The following GDAP1 variants were observed in gnomAD, a reference collection of about 807,000 sequenced individuals.
GDAP1 encodes ganglioside induced differentiation associated protein 1, also known as ganglioside-induced differentiation-associated protein 1.
Under a neutral mutation model 40.1 loss-of-function variants are expected in GDAP1, and 34 were observed. That is an observed-to-expected ratio of 0.85 (90% CI 0.64 to 1.13). GDAP1 has a LOEUF of 1.13. GDAP1 is among the 50% of genes most tolerant of loss of function. The pLI is 0.00. For synonymous variants in GDAP1, 170 were observed against 157.4 expected (o/e 1.08, Z -0.60); for missense variants, 374 against 433.7 (o/e 0.86, Z 1.22).
intron 2 of GDAP1, among the ~76,000 whole-genome samples, chr8:74,399,931 C>T (rs1213466236): frequency 3.5e-5 from 5 of 144,062 alleles, no homozygotes; most frequent in Non-Finnish European, 7.4e-5. Context: ...GTTATAATTT[C>T]TGTTCTTTTA....
intron 2 of GDAP1, among the ~76,000 whole-genome samples, chr8:74,418,698 G>T (rs1356233428): frequency 6.6e-6 from 1 of 152,062 alleles, no homozygotes; most frequent in East Asian, 1.9e-4. Flanking sequence ...TAAAACTTTT[G>T]CTCTCTGTTA....
rs536696675 is a variant in GDAP1, at chr8:74,442,472, A to G, written c.166-46206A>G. The stretch of plus-strand genomic sequence containing the variant: ...GTTGCCACTCCATTCCTGAGGCCAC[A>G]ATTTTATTAAGGTCCCAAATCTTTT... On this transcript the variant is annotated intron_variant, in intron 2 of 2. Transcript: ENST00000523640. Among the ~76,000 whole-genome samples, 22 of 152,328 alleles carry G rather than the reference A, an allele frequency of 1.4e-4. No homozygotes were observed. In the Middle Eastern group the frequency reaches 0.014, roughly 94 times the overall value.
At chr8:74,468,080 A>G (rs895635609) in intron 2 of GDAP1, among the ~76,000 whole-genome samples, 4 of 151,810 alleles carry the variant, frequency 2.6e-5, no homozygotes, top group African/African-American at 9.7e-5. Context: ...TTAAAATTAC[A>G]TAATTATTTG....
intron 2 of GDAP1, among the ~76,000 whole-genome samples, chr8:74,475,091 A>C (rs907565791): frequency 2.0e-5 from 3 of 152,046 alleles, no homozygotes; most frequent in African/African-American, 7.2e-5. Context: ...ATTCTCTAAT[A>C]GTTATTTGTA....
At chr8:74,425,062 T>A (rs1805930186) in intron 2 of GDAP1, among the ~76,000 whole-genome samples, 1 of 152,312 alleles carries the variant, frequency 6.6e-6, no homozygotes, top group South Asian at 2.1e-4. Flanking sequence ...CTGCAGTATC[T>A]TCATCAGCAG....
intron 2 of GDAP1, among the ~76,000 whole-genome samples, chr8:74,424,261 G>A (rs1212044620): frequency 6.6e-6 from 1 of 152,066 alleles, no homozygotes; most frequent in Non-Finnish European, 1.5e-5. Flanking sequence ...GTCCATACAT[G>A]TTCAGTGCAC....
At chr8:74,387,097 T>A (rs965473515) in intron 2 of GDAP1, among the ~76,000 whole-genome samples, 1 of 152,226 alleles carries the variant, frequency 6.6e-6, no homozygotes, top group African/African-American at 2.4e-5. Flanking sequence ...CGATGGGATT[T>A]TCTAAATATA....
chr8:74,401,373 G>A (rs181490818), intron 2 of GDAP1, among the ~76,000 whole-genome samples: 7 of 149,816 alleles, frequency 4.7e-5, no homozygotes, highest in African/African-American at 1.3e-4. Context: ...CATTCTTCAC[G>A]TAGTTCTCGA....
intron 2 of GDAP1, among the ~76,000 whole-genome samples, chr8:74,440,125 A>G (rs1281670565): frequency 6.6e-6 from 1 of 152,154 alleles, no homozygotes; most frequent in Non-Finnish European, 1.5e-5. Context: ...TCCCATGGGA[A>G]TTCTTCAGAG....
intron 2 of GDAP1, among the ~76,000 whole-genome samples, chr8:74,410,798 G>C (rs1805699623): frequency 5.3e-5 from 8 of 150,346 alleles, no homozygotes; most frequent in Admixed American, 5.2e-4. Flanking sequence ...TTGCCATGTT[G>C]AAGTGTGTTC....
At chr8:74,459,538 A>G (rs926788225) in intron 2 of GDAP1, among the ~76,000 whole-genome samples, 1 of 152,196 alleles carries the variant, frequency 6.6e-6, no homozygotes, top group African/African-American at 2.4e-5. Context: ...TCAATTTGTG[A>G]AACGCTAATG....
Position 74,362,968 on chromosome 8 carries a change from G to A in GDAP1, c.609G>A (p.Lys203=), listed in dbSNP as rs758365842. ...AGCTGCTTGATCATGACAATGTCAAGTATTTGAAGAAAATTCTTGATGAGT... is the reference window on the plus strand; with the variant it reads ...AGCTGCTTGATCATGACAATGTCAAATATTTGAAGAAAATTCTTGATGAGT... ...KSKLLDHDNV[K]YLKKILDELE... The change falls in exon 5 of 6, where the codon AAG becomes AAA. Residue 203 remains lysine, a synonymous_variant. Transcript: ENST00000220822. The A allele has an allele frequency of 2.6e-6, 4 of 1,567,234 alleles. No homozygotes were observed. Among genetic ancestry groups the A allele is most frequent in the South Asian group, 1.1e-5 (1 of 90,156 alleles).
intron 2 of GDAP1, among the ~76,000 whole-genome samples, chr8:74,407,611 C>CTTG (rs1449067950): frequency 6.7e-6 from 1 of 149,896 alleles, no homozygotes; most frequent in Non-Finnish European, 1.5e-5. Flanking sequence ...GAGACTTCAC[C>CTTG]TTGTGATCGT....
intron 2 of GDAP1, among the ~76,000 whole-genome samples, chr8:74,428,788 G>T (rs1267233506): frequency 1.3e-5 from 2 of 150,914 alleles, no homozygotes; most frequent in Non-Finnish European, 3.0e-5. Context: ...TGGCCCAGAG[G>T]TTTGTTTTGT....
intron 2 of GDAP1, among the ~76,000 whole-genome samples, chr8:74,359,784 G>A (rs4492365): frequency 0.52 from 79,769 of 152,064 alleles, 20,900 homozygotes; most frequent in East Asian, 0.6. Context: ...TGTGTAATGT[G>A]TTATGGATGT....
chr8:74,457,002 C>A (rs1394652647), intron 2 of GDAP1, among the ~76,000 whole-genome samples: 1 of 152,054 alleles, frequency 6.6e-6, no homozygotes, highest in Non-Finnish European at 1.5e-5. Context: ...AAGGGTGGCC[C>A]ATGCCATATG....
At chr8:74,434,899 C>T (rs1225344657) in intron 2 of GDAP1, among the ~76,000 whole-genome samples, 1 of 152,196 alleles carries the variant, frequency 6.6e-6, no homozygotes, top group African/African-American at 2.4e-5. Flanking sequence ...CTTATCTTCT[C>T]TATAATGCCT....
At chr8:74,425,126 C>G (rs1423034489) in intron 2 of GDAP1, among the ~76,000 whole-genome samples, 1 of 152,160 alleles carries the variant, frequency 6.6e-6, no homozygotes, top group Non-Finnish European at 1.5e-5. Context: ...AAGAGGAATT[C>G]TATGCTTTGT....
At chr8:74,354,945 C>T (rs1346192609) in intron 2 of GDAP1, among the ~76,000 whole-genome samples, 4 of 152,212 alleles carry the variant, frequency 2.6e-5, no homozygotes, top group Non-Finnish European at 4.4e-5. Flanking sequence ...ACCAGTATGT[C>T]CTTCACTGTT....
Sources: gnomAD v4.1 joint callset for allele counts (sites outside exome capture counted in the v4.1 genomes callset) on GRCh38, gnomAD v4.1.1 for gene constraint, MANE v1.5 for transcripts, NCBI Gene and HGNC (gene_info 2026-07-23, HGNC 2026-07-21) for gene names.